MAF: variants seen among roughly 807,000 people sequenced by gnomAD.
MAF encodes MAF bZIP transcription factor, also known as transcription factor Maf.
MAF carries 10 observed loss-of-function variants against 22.0 expected under a neutral mutation model. That is an observed-to-expected ratio of 0.45 (90% CI 0.28 to 0.77). The LOEUF is 0.77. Ranked by LOEUF, MAF falls within the 30% of genes least tolerant of loss-of-function variation. The pLI is 0.12. For missense variants in MAF, 544 were observed against 548.4 expected, an observed-to-expected ratio of 0.99 and a Z score of 0.08; for synonymous variants, 337 against 255.8, an observed-to-expected ratio of 1.32 and a Z score of -3.03.
At chr16:79,542,712 G>A in the MAF span, among the ~76,000 whole-genome samples, 239 of 152,274 alleles carry the variant, frequency 1.6e-3, no homozygotes, top group African/African-American at 5.6e-3. Context: ...TGGGTTTCCT[G>A]GACTGGGAGG....
At chr16:79,368,890 T>C in the MAF span, among the ~76,000 whole-genome samples, 1 of 152,242 alleles carries the variant, frequency 6.6e-6, no homozygotes, top group Non-Finnish European at 1.5e-5. Flanking sequence ...ACTTTCTGTC[T>C]CTTTCTCCTG....
chr16:79,460,253 G>A, the MAF span, among the ~76,000 whole-genome samples: 3 of 151,842 alleles, frequency 2.0e-5, no homozygotes, highest in African/African-American at 7.3e-5. Context: ...TATTTTTTCC[G>A]GATTGGGCAT....
the MAF span, among the ~76,000 whole-genome samples, chr16:79,234,815 C>A: frequency 1.3e-5 from 2 of 152,098 alleles, no homozygotes; most frequent in Admixed American, 1.3e-4. Flanking sequence ...GATTCAGCCA[C>A]CTGAGTCTCT....
At chr16:79,501,646 A>T in the MAF span, among the ~76,000 whole-genome samples, 1 of 152,192 alleles carries the variant, frequency 6.6e-6, no homozygotes, top group African/African-American at 2.4e-5. Flanking sequence ...AATTATGCTG[A>T]CTGTCAAAAT....
the MAF span, among the ~76,000 whole-genome samples, chr16:79,290,406 G>A: frequency 6.6e-6 from 1 of 152,182 alleles, no homozygotes; most frequent in African/African-American, 2.4e-5. Flanking sequence ...CCAAGATGAA[G>A]AAGCCTTTTC....
chr16:79,356,372 T>A, the MAF span, among the ~76,000 whole-genome samples: 1 of 152,230 alleles, frequency 6.6e-6, no homozygotes, highest in African/African-American at 2.4e-5. Context: ...TGCAGTCTGG[T>A]GGCCTGGTTT....
At chr16:79,248,798 C>CAA in the MAF span, among the ~76,000 whole-genome samples, 320 of 147,806 alleles carry the variant, frequency 2.2e-3, 1 homozygote, top group Admixed American at 4.5e-3. Flanking sequence ...CCAAAATTTA[C>CAA]AAAAAAAAAA....
At chr16:79,333,067 G>C in the MAF span, among the ~76,000 whole-genome samples, 1 of 152,232 alleles carries the variant, frequency 6.6e-6, no homozygotes, top group Non-Finnish European at 1.5e-5. Flanking sequence ...CCTGAAGAGA[G>C]TCAGCATAAG....
At chr16:79,216,751 C>T in the MAF span, among the ~76,000 whole-genome samples, 8 of 151,600 alleles carry the variant, frequency 5.3e-5, no homozygotes, top group Non-Finnish European at 1.2e-4. Flanking sequence ...CCTCTGTGTA[C>T]ATATATGTGT....
chr16:79,409,781 G>C, the MAF span, among the ~76,000 whole-genome samples: 1 of 152,234 alleles, frequency 6.6e-6, no homozygotes, highest in Non-Finnish European at 1.5e-5. Flanking sequence ...ACAGAGGCTA[G>C]ATCAGTGCTG....
At chr16:79,263,194 C>T in the MAF span, among the ~76,000 whole-genome samples, 2 of 152,102 alleles carry the variant, frequency 1.3e-5, no homozygotes, top group Non-Finnish European at 2.9e-5. Flanking sequence ...CTAGGGAGGC[C>T]GGGAAATGGA....
At chr16:79,293,408 C>T in the MAF span, among the ~76,000 whole-genome samples, 30,175 of 152,186 alleles carry the variant, frequency 0.2, 4,166 homozygotes, top group African/African-American at 0.4. Context: ...GAAAATGAAA[C>T]TGAATTCTAG....
the MAF span, among the ~76,000 whole-genome samples, chr16:79,209,974 G>A: frequency 6.6e-6 from 1 of 152,212 alleles, no homozygotes; most frequent in Non-Finnish European, 1.5e-5. Context: ...CTGGCTATTT[G>A]GAGTGGGCAT....
chr16:79,529,637 G>C, the MAF span, among the ~76,000 whole-genome samples: 19 of 152,306 alleles, frequency 1.2e-4, no homozygotes, highest in South Asian at 8.3e-4. Flanking sequence ...TGAATTCATA[G>C]TTGGAAGTAT....
At chr16:79,312,621 C>T in the MAF span, among the ~76,000 whole-genome samples, 5 of 152,222 alleles carry the variant, frequency 3.3e-5, no homozygotes, top group East Asian at 9.6e-4. Flanking sequence ...GCGCCCAATA[C>T]CTAGGACCGT....
the MAF span, among the ~76,000 whole-genome samples, chr16:79,559,977 C>A: frequency 5.9e-5 from 9 of 152,274 alleles, no homozygotes; most frequent in South Asian, 4.1e-4. Context: ...AATCACAGTT[C>A]GCTGCAGCTG....
the MAF span, among the ~76,000 whole-genome samples, chr16:79,367,906 C>T: frequency 1.3e-5 from 2 of 152,180 alleles, no homozygotes; most frequent in Non-Finnish European, 2.9e-5. Flanking sequence ...CTCACAGGCT[C>T]TGCCAGAGGA....
chr16:79,585,429 T>C (rs1271812704), downstream of MAF, among the ~76,000 whole-genome samples: 1 of 151,972 alleles, frequency 6.6e-6, no homozygotes, highest in African/African-American at 2.4e-5. Flanking sequence ...ACTGTAAATT[T>C]GAAATGTTTA....
the MAF span, among the ~76,000 whole-genome samples, chr16:79,479,802 T>C: frequency 1.3e-5 from 2 of 152,216 alleles, no homozygotes; most frequent in Non-Finnish European, 2.9e-5. Flanking sequence ...TTGTTGGCAT[T>C]GTTGACCTCA....
Sources: gnomAD v4.1 joint callset for allele counts (sites outside exome capture counted in the v4.1 genomes callset) on GRCh38, gnomAD v4.1.1 for gene constraint, MANE v1.5 for transcripts, NCBI Gene and HGNC (gene_info 2026-07-23, HGNC 2026-07-21) for gene names.